The following CFAP144 variants were observed in gnomAD, a reference collection of about 807,000 sequenced individuals.
CFAP144 encodes cilia and flagella associated protein 144, also known as cilia- and flagella-associated protein 144.
the CFAP144 span, among the ~76,000 whole-genome samples, chr1:43,153,939 A>AT: frequency 0.021 from 3,089 of 150,512 alleles, 111 homozygotes; most frequent in African/African-American, 0.071. Context: ...AATTCTCATT[A>AT]TGGTTTCTGG....
At chr1:43,154,311 A>G in the CFAP144 span, among the ~76,000 whole-genome samples, 1 of 146,314 alleles carries the variant, frequency 6.8e-6, no homozygotes, top group African/African-American at 2.5e-5. Flanking sequence ...AATTATATAT[A>G]AATAAAAATT....
At chr1:43,145,993 CAAT>C in the CFAP144 span, among the ~76,000 whole-genome samples, 2 of 152,090 alleles carry the variant, frequency 1.3e-5, no homozygotes, top group African/African-American at 4.8e-5. Flanking sequence ...ACTATCTCTT[CAAT>C]AATTTGCTGG....
the CFAP144 span, among the ~76,000 whole-genome samples, chr1:43,144,060 A>C: frequency 6.6e-6 from 1 of 152,198 alleles, no homozygotes; most frequent in Non-Finnish European, 1.5e-5. Context: ...AGGGAAGGAG[A>C]CTGAGGCACT....
At chr1:43,143,576 G>C in the CFAP144 span, among the ~76,000 whole-genome samples, 1 of 152,142 alleles carries the variant, frequency 6.6e-6, no homozygotes, top group African/African-American at 2.4e-5. Context: ...AAGAAAGGGG[G>C]AGGGTGCACT....
chr1:43,150,602 T>G, the CFAP144 span, among the ~76,000 whole-genome samples: 1 of 152,226 alleles, frequency 6.6e-6, no homozygotes, highest in Admixed American at 6.5e-5. Flanking sequence ...CTTGAGGGCC[T>G]TATCCAATCG....
chr1:43,143,871 C>T, the CFAP144 span, among the ~76,000 whole-genome samples: 4 of 107,350 alleles, frequency 3.7e-5, no homozygotes, highest in Non-Finnish European at 7.0e-5. Flanking sequence ...GTGCTCCCTC[C>T]TACCTGCCCT....
chr1:43,145,022 T>A, the CFAP144 span: 1 of 536,934 alleles, frequency 1.9e-6, no homozygotes, highest in Non-Finnish European at 3.3e-6. Flanking sequence ...ACAGGACCCC[T>A]TTTCCATGAC....
the CFAP144 span, chr1:43,156,388 T>C: frequency 8.5e-7 from 1 of 1,176,968 alleles, no homozygotes; most frequent in South Asian, 1.2e-5. Context: ...AATACTACTT[T>C]AAAACGAAGT....
chr1:43,154,185 A>AAT, the CFAP144 span, among the ~76,000 whole-genome samples: 1 of 133,466 alleles, frequency 7.5e-6, no homozygotes, highest in Non-Finnish European at 1.6e-5. Flanking sequence ...TATATATGTA[A>AAT]ATATATATAA....
At chr1:43,146,281 C>CTG in the CFAP144 span, among the ~76,000 whole-genome samples, 1 of 152,106 alleles carries the variant, frequency 6.6e-6, no homozygotes, top group Admixed American at 6.5e-5. Context: ...GAATCATTGA[C>CTG]AAATTGGATA....
the CFAP144 span, among the ~76,000 whole-genome samples, chr1:43,147,504 G>GT: frequency 5.6e-3 from 848 of 152,304 alleles, 44 homozygotes; most frequent in East Asian, 0.13. Context: ...GAAACCTCCG[G>GT]TTTTTTTGTG....
the CFAP144 span, chr1:43,147,966 A>G: frequency 2.2e-5 from 35 of 1,613,898 alleles, no homozygotes; most frequent in Admixed American, 1.8e-4. Context: ...CGGGACACCC[A>G]AAAGAGAAGG....
the CFAP144 span, among the ~76,000 whole-genome samples, chr1:43,143,414 G>A: frequency 6.6e-6 from 1 of 152,172 alleles, no homozygotes; most frequent in African/African-American, 2.4e-5. Context: ...CTGAAAGTAA[G>A]GGAGGAAAAG....
the CFAP144 span, among the ~76,000 whole-genome samples, chr1:43,154,787 G>T: frequency 8.6e-5 from 13 of 152,004 alleles, no homozygotes; most frequent in Admixed American, 7.9e-4. Flanking sequence ...GAAAGAGCCT[G>T]GCCTCGACTC....
At chr1:43,148,085 G>C in the CFAP144 span, 1 of 1,612,058 alleles carries the variant, frequency 6.2e-7, no homozygotes, top group Non-Finnish European at 8.5e-7. Context: ...CTCCGCAAGA[G>C]TGAGAGGCAC....
the CFAP144 span, among the ~76,000 whole-genome samples, chr1:43,143,405 T>C: frequency 6.6e-6 from 1 of 152,008 alleles, no homozygotes; most frequent in African/African-American, 2.4e-5. Flanking sequence ...AGAGTACAAC[T>C]GAAAGTAAGG....
At chr1:43,147,709 G>C in the CFAP144 span, 1 of 916,332 alleles carries the variant, frequency 1.1e-6, no homozygotes, top group Non-Finnish European at 1.3e-6. Flanking sequence ...TGAGGAGCTG[G>C]GGCAAGTGAG....
the CFAP144 span, among the ~76,000 whole-genome samples, chr1:43,148,812 C>T: frequency 6.6e-6 from 1 of 152,114 alleles, no homozygotes; most frequent in Non-Finnish European, 1.5e-5. Context: ...TCGGAGTCCT[C>T]CTCAAGGTCT....
the CFAP144 span, among the ~76,000 whole-genome samples, chr1:43,153,184 GCACATGGTAAA>G: frequency 5.3e-5 from 8 of 152,280 alleles, no homozygotes; most frequent in South Asian, 1.7e-3. Flanking sequence ...ACAGTGCCTG[GCACATGGTAAA>G]CACTGTGTGT....
Sources: allele counts gnomAD v4.1 joint callset (sites outside exome capture counted in the v4.1 genomes callset), GRCh38; gene constraint gnomAD v4.1.1; transcripts MANE v1.5; gene names NCBI Gene and HGNC (gene_info 2026-07-23, HGNC 2026-07-21).